Variants in PRKG1 observed in about 807,000 individuals in gnomAD.
The protein encoded by PRKG1 is protein kinase cGMP-dependent 1, also known as cGMP-dependent protein kinase 1.
Under a neutral mutation model 88.1 loss-of-function variants are expected in PRKG1, and 35 were observed. The observed-to-expected ratio is 0.40, with a 90% CI of 0.30 to 0.53. The LOEUF (loss-of-function observed/expected upper bound fraction) is 0.53, where lower values mean the gene tolerates loss of function less well. Among genes scored for constraint, PRKG1 ranks in the 20% least tolerant of loss-of-function variants. PRKG1 has a pLI of 0.59. For missense variants in PRKG1, 540 were observed against 839.8 expected, an observed-to-expected ratio of 0.64 and a Z score of 4.41; for synonymous variants, 303 against 292.5, an observed-to-expected ratio of 1.04 and a Z score of -0.37.
At chr10:51,763,154 T>C (rs1266953290) in intron 3 of PRKG1, among the ~76,000 whole-genome samples, 1 of 152,134 alleles carries the variant, frequency 6.6e-6, no homozygotes, top group Non-Finnish European at 1.5e-5. Flanking sequence ...TGGAGAAAAA[T>C]TAGGTCAATA....
chr10:51,212,343 G>A (rs527591970), intron 2 of PRKG1, among the ~76,000 whole-genome samples: 3 of 152,270 alleles, frequency 2.0e-5, no homozygotes, highest in African/African-American at 7.2e-5. Flanking sequence ...TTACATGTTA[G>A]ACCTAAAACC....
At chr10:51,690,349 T>C (rs1841106026) in intron 3 of PRKG1, among the ~76,000 whole-genome samples, 1 of 151,486 alleles carries the variant, frequency 6.6e-6, no homozygotes, top group South Asian at 2.1e-4. Flanking sequence ...ATCAGGGCTA[T>C]ATAGGACACA....
intron 3 of PRKG1, among the ~76,000 whole-genome samples, chr10:51,748,668 A>G (rs1227421450): frequency 6.6e-6 from 1 of 152,238 alleles, no homozygotes; most frequent in East Asian, 1.9e-4. Context: ...AAGCCAAAAT[A>G]CGGGTCATGA....
At chr10:51,105,505 G>A (rs1047507885) in intron 1 of PRKG1, among the ~76,000 whole-genome samples, 1 of 152,152 alleles carries the variant, frequency 6.6e-6, no homozygotes, top group Non-Finnish European at 1.5e-5. Flanking sequence ...AAAGAAGGTT[G>A]AGTCAAATAT....
intron 1 of PRKG1, among the ~76,000 whole-genome samples, chr10:51,139,902 A>G (rs887161984): frequency 4.6e-5 from 7 of 152,194 alleles, no homozygotes; most frequent in African/African-American, 1.7e-4. Context: ...CCCCTTTAAC[A>G]GCTTTTCATT....
At chr10:51,784,021 C>T (rs1000899973) in intron 3 of PRKG1, among the ~76,000 whole-genome samples, 26 of 152,044 alleles carry the variant, frequency 1.7e-4, no homozygotes, top group African/African-American at 5.6e-4. Flanking sequence ...TTCTCCATCC[C>T]TTTTGACATT....
chr10:51,158,571 C>G (rs1231919170), intron 2 of PRKG1, among the ~76,000 whole-genome samples: 1 of 151,912 alleles, frequency 6.6e-6, no homozygotes. Flanking sequence ...ACTTCTTAGG[C>G]CTCTCTGCAT....
At chr10:51,906,712 ACT>A (rs1842093638) in intron 4 of PRKG1, among the ~76,000 whole-genome samples, 1 of 152,096 alleles carries the variant, frequency 6.6e-6, no homozygotes, top group South Asian at 2.1e-4. Context: ...AAGATGCCAG[ACT>A]CTTAGTTAAT....
At chr10:51,310,161 G>A (rs1841146526) in intron 2 of PRKG1, among the ~76,000 whole-genome samples, 2 of 152,106 alleles carry the variant, frequency 1.3e-5, no homozygotes, top group African/African-American at 2.4e-5. Flanking sequence ...TTGTTCAGGT[G>A]ATGGCTACTC....
At chr10:51,294,378 TG>T (rs1840663473) in intron 2 of PRKG1, among the ~76,000 whole-genome samples, 1 of 152,192 alleles carries the variant, frequency 6.6e-6, no homozygotes, top group East Asian at 1.9e-4. Flanking sequence ...TAGTTCATTT[TG>T]AGTTGATTTT....
intron 16 of PRKG1, among the ~76,000 whole-genome samples, chr10:52,289,648 AG>A: frequency 6.6e-6 from 1 of 152,228 alleles, no homozygotes; most frequent in East Asian, 1.9e-4. Context: ...CAAAGACAAA[AG>A]AAAACAAACA....
chr10:52,095,427 G>T (rs10762561), intron 7 of PRKG1, among the ~76,000 whole-genome samples: 147,571 of 152,174 alleles, frequency 0.97, 71,723 homozygotes, highest in East Asian at 1. Context: ...GATATATTAT[G>T]TAATATGTTT....
chr10:51,490,388 ATC>A (rs1840674444), intron 3 of PRKG1, among the ~76,000 whole-genome samples: 1 of 152,162 alleles, frequency 6.6e-6, no homozygotes, highest in Non-Finnish European at 1.5e-5. Context: ...AGTGAAAATT[ATC>A]TCATGCATAC....
chr10:51,387,910 C>A (rs551805128), intron 2 of PRKG1, among the ~76,000 whole-genome samples: 35 of 152,150 alleles, frequency 2.3e-4, no homozygotes, highest in African/African-American at 8.4e-4. Context: ...TAATGTTGGG[C>A]ATATGGTATG....
intron 4 of PRKG1, among the ~76,000 whole-genome samples, chr10:51,878,189 TATATAA>T (rs1841346568): frequency 6.6e-6 from 1 of 152,044 alleles, no homozygotes; most frequent in South Asian, 2.1e-4. Context: ...TAAACATGTA[TATATAA>T]ATATAAAGCA....
At chr10:52,029,156 T>C (rs1845417278) in intron 5 of PRKG1, among the ~76,000 whole-genome samples, 1 of 152,232 alleles carries the variant, frequency 6.6e-6, no homozygotes, top group Non-Finnish European at 1.5e-5. Flanking sequence ...TGCTCTTTGC[T>C]ATTCCTCGGT....
intron 3 of PRKG1, among the ~76,000 whole-genome samples, chr10:51,660,443 CAGAA>C (rs1840270923): frequency 7.0e-6 from 1 of 141,964 alleles, no homozygotes; most frequent in African/African-American, 2.6e-5. Flanking sequence ...TGCTTTTGGG[CAGAA>C]AAAAAAAAAG....
Position 52,078,997 on chromosome 10 carries a change from A to T in PRKG1, c.935+16366A>T, listed in dbSNP as rs528803043. On this transcript the variant is annotated intron_variant, in intron 7 of 17. Coordinates refer to ENST00000373980, the MANE Select transcript of PRKG1 (RefSeq NM_006258.4). ...TGCCTACAGGCAAATATCATGGGAG[A>T]ATAGCCTCTACTGGCATTTTAATTT... Among the ~76,000 whole-genome samples, 332 of 152,330 alleles carry T rather than the reference A, an allele frequency of 2.2e-3. 4 individuals are homozygous for T. The highest frequency in any genetic ancestry group is 3.1e-3 in the Non-Finnish European group (209 of 68,022).
In PRKG1 at chr10:52,114,009, G is replaced by A. The variant is rs79993547; in HGVS notation, c.936-19831G>A. 9.5e-3 allele frequency among the ~76,000 whole-genome samples: 1,452 copies of A among 152,152 alleles called. 21 individuals carry two copies. The highest frequency in any genetic ancestry group is 0.03 in the African/African-American group (1,226 of 41,524). ...TTAAGCACTTGGGCTTGATTAGATC[G>A]TCTTTCTTCAGATACAGAAGCATAA... On this transcript the variant is annotated intron_variant, in intron 7 of 17. Transcript: ENST00000373980.
Sources: gnomAD v4.1 joint callset for allele counts (sites outside exome capture counted in the v4.1 genomes callset) on GRCh38, gnomAD v4.1.1 for gene constraint, MANE v1.5 for transcripts, NCBI Gene and HGNC (gene_info 2026-07-23, HGNC 2026-07-21) for gene names.